The following ZNF608 variants were observed in gnomAD, a reference collection of about 807,000 sequenced individuals.
ZNF608 encodes the protein renal carcinoma antigen NY-REN-36.
In ZNF608, 12 loss-of-function variants were observed where a neutral mutation model predicts 109.0. The ratio of observed to expected loss-of-function variants is 0.11; its 90% confidence interval spans 0.07 to 0.18. The LOEUF (loss-of-function observed/expected upper bound fraction) is 0.18. Ranked by LOEUF, ZNF608 falls within the 10% of genes least tolerant of loss-of-function variation. ZNF608 has a pLI of 1.00. For missense variants in ZNF608, 1,707 were observed against 1,879.3 expected (o/e 0.91, Z 1.70); for synonymous variants, 732 against 717.4 (o/e 1.02, Z -0.33).
chr5:124,663,432 C>A (rs959255486), intron 3 of ZNF608, among the ~76,000 whole-genome samples: 3 of 152,168 alleles, frequency 2.0e-5, no homozygotes, highest in African/African-American at 7.2e-5. Context: ...TGCCCCACCC[C>A]ACAAAACCTT....
chr5:124,672,369 C>T (rs952947910), intron 3 of ZNF608, among the ~76,000 whole-genome samples: 1 of 152,204 alleles, frequency 6.6e-6, no homozygotes, highest in East Asian at 1.9e-4. Flanking sequence ...CTGGCCTATG[C>T]TCTTCCTCCA....
Position 124,649,650 on chromosome 5 carries a change from T to A in ZNF608, c.1210A>T (p.Thr404Ser). ...TCGTGCTTGGTGCAGTCCAGTAGGG[T>A]TCCCACGTACGTTTTGTTCCTCCAC... ...VTWRNKTYVG[T>S]LLDCTKHDWA... The change falls in exon 4 of 10, where the codon ACC (threonine) becomes TCC (serine). Residue 404 changes from threonine to serine, a missense_variant. This residue lies in a region of ZNF608 where 166 missense variants were observed against 204.2 expected (regional missense o/e 0.81). Coordinates refer to ENST00000513986, the MANE Select transcript of ZNF608 (RefSeq NM_020747.3). 6.2e-7 allele frequency: 1 copy of A among 1,610,034 alleles called. No individual in the cohort carries two copies. The highest frequency in any genetic ancestry group is 8.5e-7 in the Non-Finnish European group (1 of 1,177,316).
chr5:124,656,965 C>G (rs997339529), intron 3 of ZNF608, among the ~76,000 whole-genome samples: 1 of 152,074 alleles, frequency 6.6e-6, no homozygotes, highest in Non-Finnish European at 1.5e-5. Flanking sequence ...GCCTGATGAG[C>G]TGTATTGATT....
intron 3 of ZNF608, 68 bp from the exon 4 acceptor site, chr5:124,649,765 T>G: frequency 9.5e-7 from 1 of 1,052,634 alleles, no homozygotes; most frequent in Non-Finnish European, 1.3e-6. Context: ...AGTTCACTTA[T>G]TATTTTTTTC....
intron 3 of ZNF608, among the ~76,000 whole-genome samples, chr5:124,671,641 C>CTTT (rs66998925): frequency 0.018 from 2,324 of 129,688 alleles, 104 homozygotes; most frequent in African/African-American, 0.064. Flanking sequence ...TGGGGCTTCT[C>CTTT]TTTTTTTTTT....
chr5:124,650,623 T>C (rs7721111), intron 3 of ZNF608, among the ~76,000 whole-genome samples: 14,514 of 152,262 alleles, frequency 0.095, 1,033 homozygotes, highest in African/African-American at 0.19. Flanking sequence ...CCTCTTTATT[T>C]CTGAGAGGAC....
chr5:124,710,345 T>C, intron 2 of ZNF608: 1 of 383,884 alleles, frequency 2.6e-6, no homozygotes. Flanking sequence ...AAAAGGAGTA[T>C]TTTCAACTAA....
At chr5:124,646,588 T>C (rs1277671866) in intron 5 of ZNF608, 91 bp downstream of exon 5, 2 of 1,458,104 alleles carry the variant, frequency 1.4e-6, no homozygotes, top group Admixed American at 4.6e-5. Flanking sequence ...TTCTTTCCTG[T>C]GTCAGAAGTC....
chr5:124,728,341 A>G (rs573239125), intron 2 of ZNF608, among the ~76,000 whole-genome samples: 81 of 152,332 alleles, frequency 5.3e-4, no homozygotes, highest in African/African-American at 1.9e-3. Context: ...GGAACATATC[A>G]GAAAGATATT....
intron 2 of ZNF608, among the ~76,000 whole-genome samples, chr5:124,711,033 C>G (rs1561576706): frequency 6.6e-6 from 1 of 152,170 alleles, no homozygotes; most frequent in South Asian, 2.1e-4. Context: ...TTCTCAGGGT[C>G]AGGAGCAAAA....
chr5:124,734,319 T>C (rs144001643), intron 2 of ZNF608, among the ~76,000 whole-genome samples: 102 of 152,324 alleles, frequency 6.7e-4, no homozygotes, highest in African/African-American at 2.2e-3. Context: ...AGTAATAAAA[T>C]GGTTGTCTTA....
At chr5:124,747,337 G>C (rs943304419), upstream of ZNF608, among the ~76,000 whole-genome samples, 9 of 151,716 alleles carry the variant, frequency 5.9e-5, no homozygotes, top group Non-Finnish European at 1.3e-4. Flanking sequence ...TAATTAGCTG[G>C]CGTTTGGAAG....
chr5:124,658,425 T>G (rs1227800131), intron 3 of ZNF608, among the ~76,000 whole-genome samples: 3 of 152,206 alleles, frequency 2.0e-5, no homozygotes, highest in Non-Finnish European at 4.4e-5. Context: ...CTGTATACAT[T>G]TGTACCAAGG....
chr5:124,651,910 T>C (rs1750803441), intron 3 of ZNF608, among the ~76,000 whole-genome samples: 1 of 152,204 alleles, frequency 6.6e-6, no homozygotes, highest in South Asian at 2.1e-4. Flanking sequence ...GCTCCCTCGG[T>C]GCACGCGGGA....
chr5:124,729,052 TAA>T (rs1261912498), intron 2 of ZNF608, among the ~76,000 whole-genome samples: 1 of 152,194 alleles, frequency 6.6e-6, no homozygotes, highest in Non-Finnish European at 1.5e-5. Context: ...TTCTGCCCTT[TAA>T]GCGCTCATCT....
chr5:124,742,861 G>A (rs62370814), intron 2 of ZNF608, among the ~76,000 whole-genome samples: 3,724 of 151,906 alleles, frequency 0.025, 62 homozygotes, highest in Admixed American at 0.033. Context: ...AATCCCAATC[G>A]CCAACTATAG....
At chr5:124,666,491 T>G (rs1751483557) in intron 3 of ZNF608, 1 of 152,196 alleles carries the variant, frequency 6.6e-6, no homozygotes, top group African/African-American at 2.4e-5. Flanking sequence ...ATAATACAAA[T>G]AGAGTAGTTT....
chr5:124,732,997 C>G (rs1748974319), intron 2 of ZNF608, among the ~76,000 whole-genome samples: 1 of 151,852 alleles, frequency 6.6e-6, no homozygotes, highest in Non-Finnish European at 1.5e-5. Flanking sequence ...GCAGTTCTCT[C>G]CATTAAACAA....
Position 124,648,558 on chromosome 5 carries a change from C to A in ZNF608, c.1826G>T (p.Cys609Phe), listed in dbSNP as rs139445741. 6.4e-5 allele frequency: 104 copies of A among 1,614,088 alleles called. No individual in the cohort carries two copies. Among genetic ancestry groups the A allele is most frequent in the Non-Finnish European group, 7.8e-5 (92 of 1,180,048 alleles). ...EEGLSNVALE[C>F]SEPSTSVSAY... is the part of the protein sequence containing the mutation. The stretch of plus-strand genomic sequence containing the variant: ...AGATACACTTGTGCTTGGCTCACTG[C>A]ATTCAAGTGCCACATTACTCAATCC... The change falls in exon 5 of 10, where the codon TGC becomes TTC. Residue 609 changes from cysteine to phenylalanine, a missense_variant. Cys to Phe is a radical substitution (Grantham distance 205). This residue lies in a region of ZNF608 where 1,073 missense variants were observed against 1,133.5 expected (regional missense o/e 0.95). Coordinates refer to ENST00000513986, the MANE Select transcript of ZNF608 (RefSeq NM_020747.3).
Sources: allele counts gnomAD v4.1 joint callset (sites outside exome capture counted in the v4.1 genomes callset), GRCh38; gene constraint gnomAD v4.1.1; regional missense constraint gnomAD v4.1.1; transcripts MANE v1.5; gene names NCBI Gene and HGNC (gene_info 2026-07-23, HGNC 2026-07-21).